Variants in BMI1 observed in about 807,000 individuals in gnomAD.
The protein encoded by BMI1 is polycomb complex protein BMI-1.
In BMI1, 9 loss-of-function variants were observed where a neutral mutation model predicts 39.1. The observed-to-expected ratio is 0.23, with a 90% confidence interval of 0.14 to 0.40. The LOEUF is 0.40. BMI1 is among the 10% of genes least tolerant of loss of function. The pLI is 1.00. For missense variants in BMI1, 252 were observed against 390.8 expected, an observed-to-expected ratio of 0.64 and a Z score of 2.99; for synonymous variants, 131 against 127.9, an observed-to-expected ratio of 1.02 and a Z score of -0.16.
At chr10:22,327,539 A>G in intron 3 of BMI1, 56 bp from the exon 4 acceptor site, 1 of 1,496,590 alleles carries the variant, frequency 6.7e-7, no homozygotes, top group East Asian at 2.3e-5. Flanking sequence ...AAACTTATGA[A>G]CATTTTTAGT....
chr10:22,326,401 A>T, intron 1 of BMI1, 30 bp from the exon 2 acceptor site: 1 of 1,607,056 alleles, frequency 6.2e-7, no homozygotes, highest in Non-Finnish European at 8.5e-7. Context: ...TTGTTCTGTG[A>T]ATTATGGCCA....
intron 1 of BMI1, 138 bp downstream of exon 1, chr10:22,321,834 C>T (rs1199242059): frequency 7.0e-6 from 1 of 142,934 alleles, no homozygotes; most frequent in Non-Finnish European, 1.5e-5. Context: ...ACAGCGTGGG[C>T]GCCCGGCCCC....
At position 22,329,880 on chromosome 10, in the gene BMI1, C is replaced by G. The variant is rs1225288665; in HGVS notation, c.*338C>G. On this transcript the variant is annotated 3_prime_UTR_variant, in exon 10 of 10. Transcript: ENST00000376663. ...GCATTGGGCCATAGTTTGTTAATCTCAACTAACGCCTACATTACATTCTCC... is the reference window on the plus strand; with the variant it reads ...GCATTGGGCCATAGTTTGTTAATCTGAACTAACGCCTACATTACATTCTCC... 1.3e-5 allele frequency: 3 copies of G among 227,992 alleles called. No homozygotes were observed. Among genetic ancestry groups the G allele is most frequent in the African/African-American group, 6.9e-5 (3 of 43,776 alleles). The allele number at this position is 227,992 out of a possible 1,614,324, so 14.1% of individuals were successfully genotyped here.
intron 1 of BMI1, chr10:22,326,189 A>C (rs1294052586): frequency 2.3e-6 from 1 of 425,560 alleles, no homozygotes; most frequent in Admixed American, 4.1e-5. Flanking sequence ...CCCACCCCAG[A>C]CTTTCTTCTA....
chr10:22,327,030 T>A (rs1288754961), intron 3 of BMI1, 44 bp downstream of exon 3: 6 of 1,594,710 alleles, frequency 3.8e-6, no homozygotes, highest in Non-Finnish European at 4.3e-6. Flanking sequence ...ATTATTGGAG[T>A]TGTATAATTT....
chr10:22,323,978 C>T (rs533217408), intron 1 of BMI1, among the ~76,000 whole-genome samples: 19 of 152,286 alleles, frequency 1.2e-4, no homozygotes, highest in Non-Finnish European at 2.1e-4. Flanking sequence ...TATAAATGGT[C>T]ACAGGATTGT....
chr10:22,328,706 CT>C lies in BMI1; in HGVS notation c.570+12del. The C allele has an allele frequency of 6.5e-7, 1 of 1,547,330 alleles. No individual in the cohort carries two copies. The highest frequency in any genetic ancestry group is 2.4e-5 in the East Asian group (1 of 42,456). On this transcript the variant is annotated intron_variant, in intron 8 of 9. Transcript: ENST00000376663. ...ATACCTAATACTTTCCAGGTATCTA[CT>C]TTTATATTCTTCTTGCATTTTACAT...
chr10:22,322,742 G>T (rs562351128), intron 1 of BMI1, among the ~76,000 whole-genome samples: 3 of 152,128 alleles, frequency 2.0e-5, no homozygotes, highest in Non-Finnish European at 2.9e-5. Context: ...TCTTTTACAG[G>T]TTTTGCTAAA....
intron 8 of BMI1, 80 bp from the exon 9 acceptor site, chr10:22,328,968 C>G (rs1449998737): frequency 3.9e-5 from 54 of 1,400,484 alleles, no homozygotes; most frequent in Non-Finnish European, 5.2e-5. Flanking sequence ...TCTTAAAGCA[C>G]TTTTGGATTA....
chr10:22,326,407 G>T, intron 1 of BMI1, 24 bp from the exon 2 acceptor site: 1 of 1,607,850 alleles, frequency 6.2e-7, no homozygotes, highest in African/African-American at 1.3e-5. Flanking sequence ...TGTGAATTAT[G>T]GCCATTATTT....
chr10:22,325,617 C>T (rs920925827), intron 1 of BMI1: 3 of 145,028 alleles, frequency 2.1e-5, no homozygotes, highest in Admixed American at 1.4e-4. Flanking sequence ...CGCGGCGCGC[C>T]GCCCCTCCCC....
chr10:22,327,076 T>G, intron 3 of BMI1, 90 bp downstream of exon 3: 1 of 1,436,366 alleles, frequency 7.0e-7, no homozygotes, highest in African/African-American at 1.4e-5. Context: ...TCACAGAAAA[T>G]TTACTCTTGA....
Position 22,330,238 on chromosome 10 carries a change from T to C in BMI1, c.*696T>C, listed in dbSNP as rs547823351. 6.5e-6 allele frequency: 1 copy of C among 152,750 alleles called. No homozygotes were observed. Among genetic ancestry groups the C allele is most frequent in the African/African-American group, 2.4e-5 (1 of 41,594 alleles). 9.5% of individuals were successfully genotyped at this position (152,750 alleles called of 1,614,324 possible). A position where few individuals can be genotyped will look rare whatever the true frequency, so the allele number is the denominator to read the frequency against. On this transcript the variant is annotated 3_prime_UTR_variant, in exon 10 of 10. Coordinates refer to ENST00000376663, the MANE Select transcript of BMI1 (RefSeq NM_005180.9). ...ATTATGCTTGTTGTACAATGCCATA[T>C]TGGTATATGACATAACAGGAAACAG...
At position 22,328,590 on chromosome 10, in the gene BMI1, G is replaced by A. The variant is rs866198149; in HGVS notation, c.472-10G>A. On this transcript the variant is annotated splice_polypyrimidine_tract_variant and intron_variant, in intron 7 of 9. Coordinates refer to ENST00000376663, the MANE Select transcript of BMI1 (RefSeq NM_005180.9). ...AACTGAAAAAGTTACTTTTCTAAAT[G>A]TACTTTTAGGTGAATGATAAAAGAT... 6.3e-7 allele frequency: 1 copy of A among 1,579,382 alleles called. No homozygotes were observed.
intron 4 of BMI1, 22 bp from the exon 5 acceptor site, chr10:22,327,720 T>G: frequency 6.2e-7 from 1 of 1,613,330 alleles, no homozygotes; most frequent in South Asian, 1.1e-5. Flanking sequence ...GCCAAATGTT[T>G]ACATCTTTTT....
In BMI1 at chr10:22,323,927, T is replaced by C. The variant is rs541257590; in HGVS notation, c.-20+2231T>C. On this transcript the variant is annotated intron_variant, in intron 1 of 9. Transcript: ENST00000376663. ...ACTACTTTCAAAGGGCATAAAAACA[T>C]AACTGATTTTTATATAAGTAACAGT... 9.1e-4 allele frequency among the ~76,000 whole-genome samples: 138 copies of C among 152,350 alleles called. 1 individual carries two copies. The highest frequency in any genetic ancestry group is 1.7e-3 in the Non-Finnish European group (118 of 68,032).
At chr10:22,327,525 A>C in intron 3 of BMI1, 70 bp from the exon 4 acceptor site, 2 of 1,426,096 alleles carry the variant, frequency 1.4e-6, no homozygotes, top group South Asian at 1.3e-5. Context: ...AAAGAAGACT[A>C]TAGAAACTTA....
chr10:22,327,810 G>C lies in BMI1; in HGVS notation c.316+18G>C. ...TGCTGATGGTAAACCTTTTAGGGGA[G>C]GGAAGACATTTTATATGGGGGGAGA... On this transcript the variant is annotated intron_variant, in intron 5 of 9. Coordinates refer to ENST00000376663, the MANE Select transcript of BMI1 (RefSeq NM_005180.9). The C allele has an allele frequency of 6.2e-7, 1 of 1,612,944 alleles. No individual in the cohort carries two copies. The highest frequency in any genetic ancestry group is 8.5e-7 in the Non-Finnish European group (1 of 1,179,474).
At position 22,326,812 on chromosome 10, in the gene BMI1, C is replaced by A. The variant is rs147856986; in HGVS notation, c.113-78C>A. The A allele has an allele frequency of 2.2e-4, 333 of 1,535,698 alleles. 2 individuals carry two copies. In the East Asian group the frequency reaches 5.0e-3, roughly 23 times the overall value. On this transcript the variant is annotated intron_variant, in intron 2 of 9. Coordinates refer to ENST00000376663, the MANE Select transcript of BMI1 (RefSeq NM_005180.9). ...ATGCCTTTCACCATCTTGTTTTCTA[C>A]TAGTTCTGGGTTTCTAACACCAATG...
Sources: allele counts gnomAD v4.1 joint callset (sites outside exome capture counted in the v4.1 genomes callset), GRCh38; gene constraint gnomAD v4.1.1; transcripts MANE v1.5; gene names NCBI Gene and HGNC (gene_info 2026-07-23, HGNC 2026-07-21).